The following DIP2A variants were observed in gnomAD, a reference collection of about 807,000 sequenced individuals.
DIP2A encodes the protein DIP2 acetate--CoA ligase A.
Under a neutral mutation model 177.4 loss-of-function variants are expected in DIP2A, and 85 were observed. That is an observed-to-expected ratio of 0.48 (90% confidence interval 0.40 to 0.57). The LOEUF is 0.57. DIP2A is among the 20% of genes least tolerant of loss of function. The pLI, the probability that DIP2A is intolerant of heterozygous loss-of-function variation, is 0.00. For missense variants in DIP2A, 1,791 were observed against 2,100.2 expected (o/e 0.85, Z 2.88); for synonymous variants, 886 against 881.8 (o/e 1.00, Z -0.08).
At chr21:46,505,128 A>G (rs1280445998) in intron 6 of DIP2A, among the ~76,000 whole-genome samples, 1 of 152,230 alleles carries the variant, frequency 6.6e-6, no homozygotes, top group East Asian at 1.9e-4. Flanking sequence ...ACTCCCAAAC[A>G]GAGTGTCAGA....
At chr21:46,575,741 T>A in the DIP2A span, among the ~76,000 whole-genome samples, 1 of 152,138 alleles carries the variant, frequency 6.6e-6, no homozygotes, top group South Asian at 2.1e-4. Context: ...ATGGAAAACA[T>A]CGAACAATAC....
chr21:46,472,663 A>G (rs1159388766), intron 1 of DIP2A, among the ~76,000 whole-genome samples: 2 of 152,234 alleles, frequency 1.3e-5, no homozygotes, highest in Admixed American at 1.3e-4. Context: ...AATTCCAGGC[A>G]GTGTTCCACA....
chr21:46,582,119 C>G, the DIP2A span, among the ~76,000 whole-genome samples: 1 of 152,182 alleles, frequency 6.6e-6, no homozygotes, highest in Non-Finnish European at 1.5e-5. Flanking sequence ...GATCAGAGTT[C>G]TGTTTGTAAA....
chr21:46,557,159 C>G lies in DIP2A; in HGVS notation c.3629+90C>G. ...CCTTCTAAGGCACCTTTTCTGGGTG[C>G]TCAGGAAGCCGATGAGATGTGTGTG... On this transcript the variant is annotated intron_variant, in intron 30 of 37. Coordinates refer to ENST00000417564, the MANE Select transcript of DIP2A (RefSeq NM_015151.4). This position sits in a 1 kb window ranked among gnomAD's most constrained non-coding sequence, Gnocchi z 6.0. The G allele has an allele frequency of 7.0e-7, 1 of 1,419,168 alleles. No homozygotes were observed. 87.9% of individuals were successfully genotyped at this position (1,419,168 alleles called of 1,614,324 possible). A position where few individuals can be genotyped will look rare whatever the true frequency, so the allele number is the denominator to read the frequency against.
intron 1 of DIP2A, among the ~76,000 whole-genome samples, chr21:46,470,428 C>T (rs934547006): frequency 1.4e-4 from 20 of 142,466 alleles, no homozygotes; most frequent in Admixed American, 1.3e-3. Flanking sequence ...GAGCCGAGAT[C>T]GTGCCATTGC....
Position 46,567,462 on chromosome 21 carries a change from A to G in DIP2A, c.4556A>G (p.Asn1519Ser), listed in dbSNP as rs2060869484. 1.2e-6 allele frequency: 2 copies of G among 1,613,756 alleles called. No individual in the cohort carries two copies. The highest frequency in any genetic ancestry group is 1.7e-5 in the Admixed American group (1 of 59,984). Reference protein sequence around the residue: ...DALDLVALVTNVVLEEHYLVV... With the variant: ...DALDLVALVTSVVLEEHYLVV... Reference sequence around the variant, plus strand: ...CTGGACCTGGTGGCCCTGGTGACCAACGTGGTGCTGGAGGAGCACTACCTG... The same window carrying G: ...CTGGACCTGGTGGCCCTGGTGACCAGCGTGGTGCTGGAGGAGCACTACCTG... The change falls in exon 38 of 38, where the codon AAC becomes AGC. Residue 1519 changes from asparagine (N) to serine (S), a missense_variant. Asn to Ser is a conservative substitution (Grantham distance 46, BLOSUM62 1). Coordinates refer to ENST00000417564, the MANE Select transcript of DIP2A (RefSeq NM_015151.4).
At chr21:46,491,366 G>A (rs1272151532) in intron 3 of DIP2A, among the ~76,000 whole-genome samples, 2 of 151,982 alleles carry the variant, frequency 1.3e-5, no homozygotes, top group East Asian at 3.9e-4. Flanking sequence ...ATTTTAATAG[G>A]GATAATGGTT....
intron 19 of DIP2A, 111 bp downstream of exon 19, chr21:46,545,384 TC>T: frequency 7.6e-7 from 1 of 1,311,740 alleles, no homozygotes; most frequent in Non-Finnish European, 1.0e-6. Context: ...ATGGTCTCCT[TC>T]CACACAGGCG....
intron 1 of DIP2A, among the ~76,000 whole-genome samples, chr21:46,477,946 G>A (rs982699645): frequency 1.3e-5 from 2 of 152,078 alleles, no homozygotes; most frequent in African/African-American, 4.8e-5. Flanking sequence ...TGAGGGAAGA[G>A]TGATTTCATT....
chr21:46,560,623 C>A, intron 32 of DIP2A, 99 bp from the exon 33 acceptor site: 1 of 1,504,150 alleles, frequency 6.6e-7, no homozygotes, highest in Non-Finnish European at 9.0e-7. Flanking sequence ...CTTGGGTGTC[C>A]CCGGGGGCCA....
At chr21:46,495,874 C>G (rs2057330061) in intron 3 of DIP2A, among the ~76,000 whole-genome samples, 1 of 151,952 alleles carries the variant, frequency 6.6e-6, no homozygotes, top group Admixed American at 6.5e-5. Flanking sequence ...GAGTTCAAGA[C>G]CAGCTTGGCC....
chr21:46,536,073 C>T (rs907597941), intron 13 of DIP2A, among the ~76,000 whole-genome samples: 3 of 152,192 alleles, frequency 2.0e-5, no homozygotes, highest in African/African-American at 7.2e-5. Context: ...AGCCTGGCAA[C>T]GTAATAAGAC....
chr21:46,538,552 T>C lies in DIP2A; in HGVS notation c.1871T>C (p.Val624Ala). The change falls in exon 16 of 38, where the codon GTC becomes GCC. Residue 624 changes from valine (V) to alanine (A), a missense_variant. Transcript: ENST00000417564. ...CTAGCTCAGCGGGGCCAGAGGGACGTCAGCCTCAGCTCACTGCGCATGCTG... is the reference window on the plus strand; with the variant it reads ...CTAGCTCAGCGGGGCCAGAGGGACGCCAGCCTCAGCTCACTGCGCATGCTG... The part of the protein sequence containing the change: ...SLLAQRGQRD[V>A]SLSSLRMLIV... 1 of 1,565,026 alleles carries C rather than the reference T, an allele frequency of 6.4e-7. No homozygotes were observed. Among genetic ancestry groups the C allele is most frequent in the Non-Finnish European group, 8.6e-7 (1 of 1,157,114 alleles).
intron 1 of DIP2A, among the ~76,000 whole-genome samples, chr21:46,471,472 A>G (rs1472678725): frequency 1.3e-5 from 2 of 152,204 alleles, no homozygotes; most frequent in Non-Finnish European, 2.9e-5. Context: ...TTTAAAACTA[A>G]TTTTTGCTGT....
intron 1 of DIP2A, among the ~76,000 whole-genome samples, chr21:46,482,169 C>T (rs556547941): frequency 2.6e-5 from 4 of 152,154 alleles, no homozygotes; most frequent in African/African-American, 9.7e-5. Context: ...CACAAATTAC[C>T]AGTCAGGAAT....
chr21:46,551,546 T>C (rs1004096166), intron 23 of DIP2A, 88 bp from the exon 24 acceptor site: 114 of 1,183,860 alleles, frequency 9.6e-5, no homozygotes, highest in Admixed American at 5.9e-4. Flanking sequence ...TTCAAGTATG[T>C]TTTCAAAATA....
At chr21:46,546,783 G>A (rs1017632768) in intron 20 of DIP2A, 132 bp from the exon 21 acceptor site, 4 of 981,100 alleles carry the variant, frequency 4.1e-6, no homozygotes, top group Admixed American at 2.6e-5. Flanking sequence ...GGGTCTGTGG[G>A]GCATTGACCC....
chr21:46,567,860 GA>G lies in DIP2A; in HGVS notation c.*239del, dbSNP rs2060881196. 1 of 458,030 alleles carries G rather than the reference GA, an allele frequency of 2.2e-6. No individual in the cohort carries two copies. Among genetic ancestry groups the G allele is most frequent in the Admixed American group, 4.0e-5 (1 of 24,814 alleles). 28.4% of individuals were successfully genotyped at this position (458,030 alleles called of 1,614,324 possible). ...GGATGCTGGTATTTTAACAGATGGA[GA>G]GACAAGGAAAGGAAAGGAAAGGCCT... On this transcript the variant is annotated 3_prime_UTR_variant, in exon 38 of 38. Coordinates refer to ENST00000417564, the MANE Select transcript of DIP2A (RefSeq NM_015151.4).
At position 46,569,912 on chromosome 21, in the gene DIP2A, A is replaced by G. The variant is rs2148933261; in HGVS notation, c.*2290A>G. 6.7e-6 allele frequency: 1 copy of G among 149,434 alleles called. No homozygotes were observed. The highest frequency in any genetic ancestry group is 1.5e-5 in the Non-Finnish European group (1 of 67,748). The allele number at this position is 149,434 out of a possible 1,614,324, so 9.3% of individuals were successfully genotyped here. On this transcript the variant is annotated 3_prime_UTR_variant, in exon 38 of 38. Transcript: ENST00000417564. ...ATTCGTATGTAACATAAACCCTCTC[A>G]GGGATTTATTTTTTCTTTTTAAAAA...
Sources: gnomAD v4.1 joint callset for allele counts (sites outside exome capture counted in the v4.1 genomes callset) on GRCh38, gnomAD v4.1.1 for gene constraint, Gnocchi (gnomAD v3.1) non-coding constraint, MANE v1.5 for transcripts, NCBI Gene and HGNC (gene_info 2026-07-23, HGNC 2026-07-21) for gene names.